Variants in MMADHC observed in about 807,000 individuals in gnomAD.
MMADHC encodes metabolism of cobalamin associated D.
A neutral mutation model predicts 36.3 loss-of-function variants in MMADHC; 23 were observed. The observed-to-expected ratio is 0.63, with a 90% CI of 0.46 to 0.90. MMADHC has a LOEUF of 0.90. MMADHC is among the 40% of genes least tolerant of loss of function. The pLI is 0.00. For synonymous variants in MMADHC, 97 were observed against 116.1 expected (o/e 0.84, Z 1.06); for missense variants, 330 against 348.0 (o/e 0.95, Z 0.41).
At chr2:149,579,243 A>T (rs1682759663) in intron 4 of MMADHC, among the ~76,000 whole-genome samples, 188 bp downstream of exon 4, 1 of 152,192 alleles carries the variant, frequency 6.6e-6, no homozygotes, top group African/African-American at 2.4e-5. Context: ...CAGTAAAAAA[A>T]TTATATAGCA....
rs1457237939 is a variant in MMADHC at position 149,582,267 on chromosome 2, A to G, written c.14T>C (p.Leu5Pro). The change falls in exon 3 of 8, where the codon CTT (leucine) becomes CCT (proline). Residue 5 changes from leucine (L) to proline (P), a missense_variant. Coordinates refer to ENST00000303319, the MANE Select transcript of MMADHC (RefSeq NM_015702.3). ...GGAAACCAGTCTGGCTCTGTTACAA[A>G]GCACCTAGAAATGACACAAAATTAA... Reference protein sequence around the residue: MANVLCNRARLVSYL... With the variant: MANVPCNRARLVSYL... 6.2e-7 allele frequency: 1 copy of G among 1,613,730 alleles called. No individual in the cohort carries two copies. The highest frequency in any genetic ancestry group is 8.5e-7 in the Non-Finnish European group (1 of 1,179,756).
At chr2:149,575,644 A>C in intron 6 of MMADHC, 67 bp downstream of exon 6, 1 of 1,314,724 alleles carries the variant, frequency 7.6e-7, no homozygotes, top group East Asian at 2.3e-5. Flanking sequence ...CATCATTTTA[A>C]GACATTGGTT....
intron 2 of MMADHC, among the ~76,000 whole-genome samples, chr2:149,585,050 AAAAAAAG>A (rs1341790874): frequency 6.8e-4 from 104 of 152,028 alleles, no homozygotes; most frequent in Non-Finnish European, 1.2e-3. Context: ...CTCAAAAAAA[AAAAAAAG>A]AAAAAAGAAA....
intron 4 of MMADHC, among the ~76,000 whole-genome samples, chr2:149,577,671 G>GA (rs887570754): frequency 6.6e-6 from 1 of 150,756 alleles, no homozygotes; most frequent in Non-Finnish European, 1.5e-5. Context: ...AAAAAAGAAA[G>GA]AAAAAAAAAT....
At chr2:149,586,667 G>T (rs1682873720) in intron 2 of MMADHC, among the ~76,000 whole-genome samples, 1 of 152,108 alleles carries the variant, frequency 6.6e-6, no homozygotes, top group Non-Finnish European at 1.5e-5. Flanking sequence ...TCTGGTGTGT[G>T]AGAGTATCTC....
chr2:149,584,054 T>C (rs1682829655), intron 2 of MMADHC, among the ~76,000 whole-genome samples: 2 of 152,210 alleles, frequency 1.3e-5, no homozygotes, highest in Non-Finnish European at 2.9e-5. Context: ...TTGGGGTCTG[T>C]ACCCAACTTG....
chr2:149,575,485 A>T (rs369075250), intron 6 of MMADHC, among the ~76,000 whole-genome samples: 2 of 152,180 alleles, frequency 1.3e-5, no homozygotes, highest in East Asian at 1.9e-4. Flanking sequence ...TCCAAAATAG[A>T]CTTTTTAAAA....
chr2:149,575,654 T>G (rs1682703637), intron 6 of MMADHC, 57 bp downstream of exon 6: 9 of 1,407,766 alleles, frequency 6.4e-6, no homozygotes, highest in African/African-American at 1.5e-5. Context: ...AGACATTGGT[T>G]CACTATTACT....
intron 6 of MMADHC, 146 bp from the exon 7 acceptor site, chr2:149,571,317 A>T: frequency 1.9e-6 from 1 of 540,178 alleles, no homozygotes; most frequent in Non-Finnish European, 3.3e-6. Context: ...ATTAGACTGT[A>T]AAGGCGTAAG....
Position 149,569,824 on chromosome 2 carries a change from A to G in MMADHC, c.*150T>C, listed in dbSNP as rs1010483037. ...ATAAATGAACATTTGCAATTTTAAA[A>G]TCCCAAATCACTTGCCAATGTTGTA... On this transcript the variant is annotated 3_prime_UTR_variant, in exon 8 of 8. Transcript: ENST00000303319. 4 of 719,322 alleles carry G rather than the reference A, an allele frequency of 5.6e-6. No individual in the cohort carries two copies. The highest frequency in any genetic ancestry group is 2.7e-5 in the Admixed American group (1 of 36,886). 44.6% of individuals were successfully genotyped at this position (719,322 alleles called of 1,614,324 possible). A position where few individuals can be genotyped will look rare whatever the true frequency, so the allele number is the denominator to read the frequency against.
intron 3 of MMADHC, among the ~76,000 whole-genome samples, chr2:149,581,225 T>C (rs1284362665): frequency 6.6e-6 from 1 of 152,214 alleles, no homozygotes; most frequent in African/African-American, 2.4e-5. Context: ...TTCCTATTGA[T>C]CTATTATAAA....
intron 2 of MMADHC, among the ~76,000 whole-genome samples, chr2:149,585,551 A>G (rs779918160): frequency 6.6e-6 from 1 of 152,250 alleles, no homozygotes; most frequent in Non-Finnish European, 1.5e-5. Context: ...GCTCTTCTTG[A>G]AAACTCAGAA....
intron 6 of MMADHC, among the ~76,000 whole-genome samples, chr2:149,571,477 C>T (rs1682637980): frequency 6.6e-6 from 1 of 152,142 alleles, no homozygotes; most frequent in South Asian, 2.1e-4. Context: ...CTGTCATAAA[C>T]TATCAACTAT....
intron 7 of MMADHC, 96 bp downstream of exon 7, chr2:149,570,989 A>T: frequency 9.4e-7 from 1 of 1,059,874 alleles, no homozygotes; most frequent in East Asian, 2.6e-5. Context: ...TGAGATTTTT[A>T]AAAAGTCTTA....
At chr2:149,570,830 TATATA>T (rs1422642856) in intron 7 of MMADHC, among the ~76,000 whole-genome samples, 2 of 152,146 alleles carry the variant, frequency 1.3e-5, no homozygotes, top group Non-Finnish European at 1.5e-5. Context: ...GCAAATCAAA[TATATA>T]ATATCTACTA....
Position 149,571,143 on chromosome 2 carries a change from T to A in MMADHC, c.638A>T (p.Tyr213Phe). 2 of 1,612,036 alleles carry A rather than the reference T, an allele frequency of 1.2e-6. No homozygotes were observed. The highest frequency in any genetic ancestry group is 1.7e-6 in the Non-Finnish European group (2 of 1,178,646). ...CCAATAACCCTCAGCTCGAAGAGCA[T>A]AGCAAATTTCCTTAGCACCATTGAT... is the stretch of plus-strand genomic sequence containing the variant. ...KFINGAKEICYALRAEGYWAD... is the reference protein window; with the variant it reads ...KFINGAKEICFALRAEGYWAD... Residue 213 changes from tyrosine to phenylalanine, a missense_variant, in exon 7 of 8, where the codon TAT (tyrosine) becomes TTT (phenylalanine). Tyr to Phe is a conservative substitution (Grantham distance 22). Transcript: ENST00000303319.
At chr2:149,585,478 A>G (rs975227689) in intron 2 of MMADHC, among the ~76,000 whole-genome samples, 1 of 152,246 alleles carries the variant, frequency 6.6e-6, no homozygotes, top group Non-Finnish European at 1.5e-5. Context: ...GTGTTGCAAG[A>G]TATTTGAATT....
chr2:149,586,347 A>C (rs1275421011), intron 2 of MMADHC, among the ~76,000 whole-genome samples: 1 of 152,112 alleles, frequency 6.6e-6, no homozygotes, highest in Non-Finnish European at 1.5e-5. Flanking sequence ...GTCACTTTTC[A>C]GTTTTTCAAA....
intron 2 of MMADHC, 95 bp downstream of exon 2, chr2:149,586,994 T>G: frequency 2.4e-6 from 3 of 1,244,220 alleles, no homozygotes; most frequent in Non-Finnish European, 3.6e-6. Flanking sequence ...TCTAACACTA[T>G]ACCACCCAAT....
Sources: allele counts gnomAD v4.1 joint callset (sites outside exome capture counted in the v4.1 genomes callset), GRCh38; gene constraint gnomAD v4.1.1; transcripts MANE v1.5; gene names NCBI Gene and HGNC (gene_info 2026-07-23, HGNC 2026-07-21).